HECTD2: variants seen among roughly 807,000 people sequenced by gnomAD.
HECTD2 encodes the protein probable E3 ubiquitin-protein ligase HECTD2.
A neutral mutation model predicts 103.2 loss-of-function variants in HECTD2; 35 were observed. That is an observed-to-expected ratio of 0.34 (90% CI 0.26 to 0.45). The LOEUF (loss-of-function observed/expected upper bound fraction) is 0.45. HECTD2 is among the 20% of genes least tolerant of loss of function. HECTD2 has a pLI of 1.00. For synonymous variants in HECTD2, 281 were observed against 329.9 expected, an observed-to-expected ratio of 0.85 and a Z score of 1.61; for missense variants, 596 against 937.4, an observed-to-expected ratio of 0.64 and a Z score of 4.76.
intron 5 of HECTD2, chr10:91,463,582 T>G (rs1216132246): frequency 6.6e-6 from 1 of 152,190 alleles, no homozygotes; most frequent in Non-Finnish European, 1.5e-5. Flanking sequence ...CTCCTTCTAA[T>G]CCTGTATCTT....
chr10:91,453,218 G>C (rs11186573), intron 2 of HECTD2, among the ~76,000 whole-genome samples: 30,534 of 152,126 alleles, frequency 0.2, 7,286 homozygotes, highest in African/African-American at 0.58. Context: ...GATGGCCTGA[G>C]GCCAAGAGTT....
intron 16 of HECTD2, 81 bp from the exon 17 acceptor site, chr10:91,498,791 T>TCC (rs1439073132): frequency 1.2e-6 from 1 of 826,356 alleles, no homozygotes; most frequent in Non-Finnish European, 1.9e-6. Flanking sequence ...AAAAAACTGT[T>TCC]TTTTAAATTT....
chr10:91,460,648 T>G, intron 3 of HECTD2, 83 bp downstream of exon 3: 9 of 1,374,638 alleles, frequency 6.5e-6, no homozygotes, highest in Non-Finnish European at 8.8e-6. Flanking sequence ...TTTGAGAAAT[T>G]AACTTTTGGA....
intron 2 of HECTD2, among the ~76,000 whole-genome samples, chr10:91,429,334 A>G (rs889414468): frequency 6.6e-6 from 1 of 151,964 alleles, no homozygotes; most frequent in African/African-American, 2.4e-5. Context: ...TTGGTCTAAA[A>G]TTCTCCTTTT....
intron 5 of HECTD2, among the ~76,000 whole-genome samples, chr10:91,475,778 A>G (rs1013765620): frequency 2.0e-5 from 3 of 152,194 alleles, no homozygotes; most frequent in African/African-American, 7.2e-5. Flanking sequence ...TTAGCAGAGT[A>G]AGTGAGACCA....
At chr10:91,461,232 G>A (rs541390301) in intron 3 of HECTD2, 22 bp from the exon 4 acceptor site, 16 of 1,056,752 alleles carry the variant, frequency 1.5e-5, no homozygotes, top group Admixed American at 2.2e-5. Context: ...ATGTATATAC[G>A]GTTAATGTGT....
At chr10:91,473,239 A>C (rs960112357) in intron 5 of HECTD2, among the ~76,000 whole-genome samples, 4 of 152,214 alleles carry the variant, frequency 2.6e-5, no homozygotes, top group Non-Finnish European at 5.9e-5. Flanking sequence ...ATCATTCATA[A>C]AGGAAAATTA....
intron 1 of HECTD2, among the ~76,000 whole-genome samples, chr10:91,415,193 A>AGAGTGTGTGTGT (rs1554864255): frequency 5.6e-5 from 8 of 141,624 alleles, no homozygotes; most frequent in African/African-American, 1.6e-4. Flanking sequence ...AATTAGAGAA[A>AGAGTGTGTGTGT]GTGTGTGTGT....
At chr10:91,480,044 A>G (rs1377294613) in intron 6 of HECTD2, among the ~76,000 whole-genome samples, 2 of 152,064 alleles carry the variant, frequency 1.3e-5, no homozygotes, top group Non-Finnish European at 2.9e-5. Flanking sequence ...ATATTTTCCT[A>G]TATCTCACGT....
rs771045756 is a variant in HECTD2, at chr10:91,492,421, A to C, written c.1369A>C (p.Met457Leu). Residue 457 changes from methionine (M) to leucine (L), a missense_variant, in exon 13 of 21, where the codon ATG becomes CTG. Coordinates refer to ENST00000298068, the MANE Select transcript of HECTD2 (RefSeq NM_182765.6). ...ATTTGTAGGGGAAGCTGGTTTGGAT[A>C]TGGGTGGTTTGACTAAAGAATGGTT... ...VTFVGEAGLD[M>L]GGLTKEWFLL... is the part of the protein sequence containing the mutation. 1.2e-6 allele frequency: 2 copies of C among 1,613,268 alleles called. No individual in the cohort carries two copies. The highest frequency in any genetic ancestry group is 2.2e-5 in the South Asian group (2 of 91,040).
intron 13 of HECTD2, among the ~76,000 whole-genome samples, chr10:91,493,194 T>TA (rs1846541486): frequency 6.6e-6 from 1 of 151,348 alleles, no homozygotes; most frequent in South Asian, 2.1e-4. Context: ...TTCAGGAAAA[T>TA]AAAATGTTCT....
At chr10:91,502,484 A>C (rs2133356562) in intron 20 of HECTD2, among the ~76,000 whole-genome samples, 1 of 152,340 alleles carries the variant, frequency 6.6e-6, no homozygotes, top group South Asian at 2.1e-4. Context: ...TCTTCAAGAA[A>C]GAGGTTATGC....
chr10:91,462,458 TTA>T (rs1293385607), intron 5 of HECTD2: 8 of 1,221,806 alleles, frequency 6.5e-6, no homozygotes, highest in Non-Finnish European at 8.2e-6. Flanking sequence ...GGTAAGTTAT[TTA>T]ATTATATTGG....
intron 14 of HECTD2, among the ~76,000 whole-genome samples, chr10:91,494,501 ATGTC>A (rs1344600787): frequency 2.6e-5 from 4 of 152,052 alleles, no homozygotes; most frequent in Non-Finnish European, 5.9e-5. Context: ...CCATCTTTGA[ATGTC>A]TGTCTTTGTT....
chr10:91,499,535 C>T (rs1277648748), intron 18 of HECTD2, among the ~76,000 whole-genome samples: 1 of 152,130 alleles, frequency 6.6e-6, no homozygotes, highest in East Asian at 1.9e-4. Flanking sequence ...ATAGCTGCTT[C>T]CTGCTACCTC....
intron 5 of HECTD2, among the ~76,000 whole-genome samples, chr10:91,470,990 G>GCA (rs1335148932): frequency 4.1e-5 from 6 of 146,078 alleles, no homozygotes; most frequent in East Asian, 2.0e-4. Context: ...ACACACACAC[G>GCA]CACACACACA....
intron 1 of HECTD2, among the ~76,000 whole-genome samples, chr10:91,424,216 A>G (rs1023110523): frequency 6.6e-6 from 1 of 152,162 alleles, no homozygotes; most frequent in Non-Finnish European, 1.5e-5. Context: ...TTTCTGACTC[A>G]GAAATGACAG....
At chr10:91,500,445 G>A (rs1846855948) in intron 18 of HECTD2, 57 bp from the exon 19 acceptor site, 6 of 792,858 alleles carry the variant, frequency 7.6e-6, no homozygotes, top group Middle Eastern at 2.3e-4. Context: ...AATAGTTCCA[G>A]TTTCACTTAA....
chr10:91,503,238 A>G (rs192693245), intron 20 of HECTD2, among the ~76,000 whole-genome samples: 4 of 152,322 alleles, frequency 2.6e-5, no homozygotes, highest in Admixed American at 2.0e-4. Context: ...CAGAATGGCT[A>G]TTGTTATATT....
Sources: allele counts gnomAD v4.1 joint callset (sites outside exome capture counted in the v4.1 genomes callset), GRCh38; gene constraint gnomAD v4.1.1; transcripts MANE v1.5; gene names NCBI Gene and HGNC (gene_info 2026-07-23, HGNC 2026-07-21).